The following TTN variants were observed in gnomAD, a reference collection of about 807,000 sequenced individuals.
TTN encodes titin.
In TTN, 1,525 loss-of-function variants were observed where a neutral mutation model predicts 3,223.0. That is an observed-to-expected ratio of 0.47 (90% CI 0.45 to 0.49). The LOEUF (loss-of-function observed/expected upper bound fraction) is 0.49, where lower values mean the gene tolerates loss of function less well. Among genes scored for constraint, TTN ranks in the 20% least tolerant of loss-of-function variants. The pLI, the probability that TTN is intolerant of heterozygous loss-of-function variation, is 0.00. For synonymous variants in TTN, 14,094 were observed against 15,161.0 expected (o/e 0.93, Z 5.17); for missense variants, 40,786 against 43,424.0 (o/e 0.94, Z 5.40).
chr2:178,603,780 T>C (rs1377291007), intron 282 of TTN, 96 bp downstream of exon 282: 4 of 1,175,320 alleles, frequency 3.4e-6, no homozygotes, highest in Non-Finnish European at 4.6e-6. Flanking sequence ...AATAAAATAA[T>C]TTGGCATAGA....
At chr2:178,580,773 T>A in intron 316 of TTN, 164 bp from the exon 317 acceptor site, 2 of 719,738 alleles carry the variant, frequency 2.8e-6, no homozygotes, top group Non-Finnish European at 4.4e-6. Flanking sequence ...TGTTCTGTAC[T>A]AATTGTTGAT....
Position 178,682,783 on chromosome 2 carries a change from T to C in TTN, c.33008A>G (p.Tyr11003Cys), listed in dbSNP as rs1375981739. Residue 11003 changes from tyrosine to cysteine, a missense_variant, in exon 135 of 363, where the codon TAT becomes TGT. Coordinates refer to ENST00000589042, the MANE Select transcript of TTN (RefSeq NM_001267550.2). ...TTGGTCATATTCTTCTGTTGGTTCA[T>C]ACTCCTCAAATTCTTTATAATCATA... is the stretch of plus-strand genomic sequence containing the variant. ...EEYDYKEFEE[Y>C]EPTEEYDQYE... 1.9e-6 allele frequency: 3 copies of C among 1,613,016 alleles called. No homozygotes were observed. In the African/African-American group the frequency reaches 4.0e-5, roughly 22 times the overall value.
intron 143 of TTN, 61 bp downstream of exon 143, chr2:178,678,686 T>C (rs964399029): frequency 2.0e-6 from 3 of 1,499,544 alleles, no homozygotes; most frequent in Admixed American, 1.9e-5. Flanking sequence ...ATTAAACCAA[T>C]TAATTTTTAC....
At position 178,592,940 on chromosome 2, in the gene TTN, A is replaced by G. The variant is rs759228350; in HGVS notation, c.59179T>C (p.Trp19727Arg). The part of the protein sequence containing the change: ...VEYQKVGDEE[W>R]RRANHTPESC... ...TCAGGGGTGTGATTGGCTCTTCTCC[A>G]CTCTTCATCTCCAACTTTCTGGTAC... is the stretch of plus-strand genomic sequence containing the variant. Residue 19727 changes from tryptophan (W) to arginine (R), a missense_variant, in exon 300 of 363, where the codon TGG becomes CGG. By Grantham distance (101) the Trp-to-Arg change is moderately radical. Transcript: ENST00000589042. The G allele has an allele frequency of 6.2e-7, 1 of 1,613,158 alleles. No individual in the cohort carries two copies. The highest frequency in any genetic ancestry group is 8.5e-7 in the Non-Finnish European group (1 of 1,179,512).
At position 178,624,497 on chromosome 2, in the gene TTN, T is replaced by A. The variant is rs2058743726; in HGVS notation, c.44783A>T (p.Asp14928Val). The change falls in exon 242 of 363, where the codon GAT (aspartate) becomes GTT (valine). Residue 14928 changes from aspartate (D) to valine (V), a missense_variant. Transcript: ENST00000589042. ...DIKTYTCDAK[D>V]FKTSCNLNVV... The stretch of plus-strand genomic sequence containing the variant: ...ATTCAGGTTACAGGAAGTCTTAAAA[T>A]CCTTAGCATCACAAGTGTATGTTTT... 1 of 1,612,634 alleles carries A rather than the reference T, an allele frequency of 6.2e-7. No homozygotes were observed. Among genetic ancestry groups the A allele is most frequent in the African/African-American group, 1.3e-5 (1 of 74,950 alleles).
intron 326 of TTN, 74 bp from the exon 327 acceptor site, chr2:178,558,711 T>C: frequency 1.4e-6 from 2 of 1,451,656 alleles, no homozygotes; most frequent in South Asian, 2.6e-5. Context: ...TCATGTATTG[T>C]CAAAAGAAAA....
rs149145209 is a variant in TTN, at chr2:178,641,108, AC to A, written c.40633+132del. On this transcript the variant is annotated intron_variant, in intron 220 of 362. Coordinates refer to ENST00000589042, the MANE Select transcript of TTN (RefSeq NM_001267550.2). ...TTAAACAGAAAGCAGACAATGGAAA[AC>A]AGAGACTACATCACAGATGAAATAT... The A allele has an allele frequency of 0.013, 7,761 of 618,304 alleles. 68 individuals are homozygous for A. The highest frequency in any genetic ancestry group is 0.02 in the South Asian group (911 of 46,198). 38.3% of individuals were successfully genotyped at this position (618,304 alleles called of 1,614,324 possible).
In TTN at chr2:178,641,245, A is replaced by C; in HGVS notation, c.40629T>G (p.Pro13543=). 6.6e-7 allele frequency: 1 copy of C among 1,506,588 alleles called. No individual in the cohort carries two copies. Among genetic ancestry groups the C allele is most frequent in the East Asian group, 2.5e-5 (1 of 40,276 alleles). 93.3% of individuals were successfully genotyped at this position (1,506,588 alleles called of 1,614,324 possible). A position where few individuals can be genotyped will look rare whatever the true frequency, so the allele number is the denominator to read the frequency against. Residue 13543 remains proline (P), a synonymous_variant, in exon 220 of 363, where the codon CCT becomes CCG. Transcript: ENST00000589042. ...AATTGTCACTGAGATTCCTACCTGC[A>C]GGTTTTTTAACTTTTTCTAGTTTTT... ...EPKKLEKVKK[P]AVPEPPPPKP...
At position 178,587,758 on chromosome 2, in the gene TTN, A is replaced by G. The variant is rs747755332; in HGVS notation, c.63551T>C (p.Val21184Ala). 1 of 1,609,228 alleles carries G rather than the reference A, an allele frequency of 6.2e-7. No individual in the cohort carries two copies. The highest frequency in any genetic ancestry group is 1.7e-5 in the Admixed American group (1 of 59,712). ...AATAGGGCATCCTGCTCTCACTATG[A>G]CCAGTTTCCTCATGCTGGCATCCAA... ...IDLDASMRKLVIVRAGCPIRL... is the reference protein window; with the variant it reads ...IDLDASMRKLAIVRAGCPIRL... Residue 21184 changes from valine to alanine, a missense_variant, in exon 306 of 363, where the codon GTC becomes GCC. Val to Ala is a moderately conservative substitution (Grantham distance 64). Transcript: ENST00000589042.
chr2:178,689,726 T>C, intron 122 of TTN, 87 bp downstream of exon 122: 1 of 1,452,958 alleles, frequency 6.9e-7, no homozygotes, highest in Non-Finnish European at 9.4e-7. Flanking sequence ...CATTTAGAAT[T>C]AAACTAACTC....
At chr2:178,779,880 A>G in intron 22 of TTN, 120 bp downstream of exon 22, 1 of 954,850 alleles carries the variant, frequency 1.0e-6, no homozygotes. Flanking sequence ...GCAACAGTGA[A>G]CTTGGACCTT....
intron 50 of TTN, 113 bp downstream of exon 50, chr2:178,735,398 G>A: frequency 2.9e-6 from 3 of 1,048,646 alleles, no homozygotes; most frequent in African/African-American, 1.6e-5. Flanking sequence ...AATGTTTGCT[G>A]AATGACATTA....
intron 349 of TTN, 139 bp from the exon 350 acceptor site, chr2:178,541,723 A>T (rs1258394201): frequency 1.9e-6 from 1 of 519,222 alleles, no homozygotes; most frequent in Non-Finnish European, 3.0e-6. Flanking sequence ...CAATAGTTTC[A>T]CTTTTGTACT....
Position 178,589,349 on chromosome 2 carries a change from C to T in TTN, c.62376G>A (p.Gly20792=). The part of the protein sequence containing the change: ...KAGDTIRLEA[G]VRGKPFPEVA... ...CTTCTGGGAATGGTTTGCCTCTAAC[C>T]CCTGCCTCAAGCCTAATGGTGTCCC... Residue 20792 remains glycine (G), a synonymous_variant, in exon 304 of 363, where the codon GGG becomes GGA. Coordinates refer to ENST00000589042, the MANE Select transcript of TTN (RefSeq NM_001267550.2). The T allele has an allele frequency of 3.1e-6, 5 of 1,613,240 alleles. No homozygotes were observed. The highest frequency in any genetic ancestry group is 1.1e-5 in the South Asian group (1 of 91,036).
intron 40 of TTN, among the ~76,000 whole-genome samples, chr2:178,767,102 T>C (rs536460279): frequency 2.6e-5 from 4 of 152,354 alleles, no homozygotes; most frequent in African/African-American, 7.2e-5. Flanking sequence ...TGAGTCCTCA[T>C]TGAAGCCTTT....
chr2:178,766,716 T>G (rs1227631133), intron 40 of TTN, 104 bp from the exon 41 acceptor site: 33 of 838,882 alleles, frequency 3.9e-5, no homozygotes, highest in Non-Finnish European at 6.1e-5. Flanking sequence ...GAATGGCATG[T>G]GAAACCAATA....
chr2:178,715,715 T>C lies in TTN; in HGVS notation c.25699A>G (p.Thr8567Ala), dbSNP rs777832511. 10 of 1,604,132 alleles carry C rather than the reference T, an allele frequency of 6.2e-6. No individual in the cohort carries two copies. In the African/African-American group the frequency reaches 1.2e-4, roughly 19 times the overall value. Reference sequence around the variant, plus strand: ...CCACCGATTTTGCATTCATACCTTGTGAATTCATCCTGTTTCACAATTCTT... The same window carrying C: ...CCACCGATTTTGCATTCATACCTTGCGAATTCATCCTGTTTCACAATTCTT... Reference protein sequence around the residue: ...PSRIVKQDEFTRYECKIGGSP... With the variant: ...PSRIVKQDEFARYECKIGGSP... The change falls in exon 89 of 363, where the codon ACA (threonine) becomes GCA (alanine). Residue 8567 changes from threonine (T) to alanine (A), a missense_variant. Physicochemically the swap from Thr to Ala is moderately conservative, Grantham distance 58. Coordinates refer to ENST00000589042, the MANE Select transcript of TTN (RefSeq NM_001267550.2).
Position 178,531,487 on chromosome 2 carries a change from C to A in TTN, c.105128G>T (p.Arg35043Leu). Reference protein sequence around the residue: ...GGDYTTYASQRRDEEVPRSVF... With the variant: ...GGDYTTYASQLRDEEVPRSVF... ...AGATCTGGGGACCTCTTCATCTCTG[C>A]GTTGGGAAGCATAGGTGGTATAATC... Residue 35043 changes from arginine (R) to leucine (L), a missense_variant, in exon 358 of 363, where the codon CGC becomes CTC. Physicochemically the swap from Arg to Leu is moderately radical, Grantham distance 102. Coordinates refer to ENST00000589042, the MANE Select transcript of TTN (RefSeq NM_001267550.2). 2 of 1,613,846 alleles carry A rather than the reference C, an allele frequency of 1.2e-6. No homozygotes were observed. The highest frequency in any genetic ancestry group is 1.1e-5 in the South Asian group (1 of 91,088).
At chr2:178,672,888 C>G (rs892173954) in intron 152 of TTN, among the ~76,000 whole-genome samples, 185 bp from the exon 153 acceptor site, 1 of 151,812 alleles carries the variant, frequency 6.6e-6, no homozygotes, top group Admixed American at 6.6e-5. Context: ...TCTAACATTC[C>G]TATAGAAGAA....
Sources: gnomAD v4.1 joint callset for allele counts (sites outside exome capture counted in the v4.1 genomes callset) on GRCh38, gnomAD v4.1.1 for gene constraint, MANE v1.5 for transcripts, NCBI Gene and HGNC (gene_info 2026-07-23, HGNC 2026-07-21) for gene names.